Variants in DGKI observed in about 807,000 individuals in gnomAD.
The protein encoded by DGKI is DAG kinase iota.
In DGKI, 55 loss-of-function variants were observed where a neutral mutation model predicts 147.5. That is an observed-to-expected ratio of 0.37 (90% CI 0.30 to 0.47). The LOEUF is 0.47. Among genes scored for constraint, DGKI ranks in the 20% least tolerant of loss-of-function variants. The pLI is 1.00. For synonymous variants in DGKI, 469 were observed against 477.1 expected (o/e 0.98, Z 0.22); for missense variants, 1,007 against 1,323.8 (o/e 0.76, Z 3.71).
At chr7:137,551,114 A>C (rs997684681) in intron 20 of DGKI, among the ~76,000 whole-genome samples, 1 of 152,228 alleles carries the variant, frequency 6.6e-6, no homozygotes, top group Non-Finnish European at 1.5e-5. Context: ...TAACTAAAAA[A>C]CACCTCTGGA....
chr7:137,498,363 A>C, intron 21 of DGKI, among the ~76,000 whole-genome samples: 1 of 152,054 alleles, frequency 6.6e-6, no homozygotes, highest in East Asian at 1.9e-4. Flanking sequence ...AAAAAACAAA[A>C]GAAAATAGAG....
Position 137,469,922 on chromosome 7 carries a change from T to C in DGKI, c.2374-303A>G, listed in dbSNP as rs1005337748. Among the ~76,000 whole-genome samples the C allele has an allele frequency of 2.0e-5, 3 of 152,358 alleles. No homozygotes were observed. The South Asian group carries it at 6.2e-4, about 32-fold the overall frequency. ...TTACTTCCTTATGGGAATTTCTTTC[T>C]TTCCCTTTGTGAAGCCAAGGAATGA... is the stretch of plus-strand genomic sequence containing the variant. On this transcript the variant is annotated intron_variant, in intron 23 of 32. Coordinates refer to ENST00000614521, the MANE Select transcript of DGKI (RefSeq NM_001321708.2).
At chr7:137,458,515 A>C (rs2128923472) in intron 27 of DGKI, among the ~76,000 whole-genome samples, 1 of 152,328 alleles carries the variant, frequency 6.6e-6, no homozygotes, top group South Asian at 2.1e-4. Flanking sequence ...ACAAAATCTA[A>C]GAACCGGAAA....
chr7:137,488,341 T>G (rs1412769377), intron 21 of DGKI, among the ~76,000 whole-genome samples: 1 of 152,098 alleles, frequency 6.6e-6, no homozygotes, highest in Non-Finnish European at 1.5e-5. Context: ...GGATGGCCAA[T>G]GTAAGAGTGG....
At chr7:137,660,185 T>A (rs1004239768) in intron 3 of DGKI, among the ~76,000 whole-genome samples, 3 of 152,180 alleles carry the variant, frequency 2.0e-5, no homozygotes, top group African/African-American at 7.2e-5. Context: ...GGTGTTGGTA[T>A]TCAAAAGAAA....
intron 20 of DGKI, 50 bp from the exon 21 acceptor site, chr7:137,522,016 G>C: frequency 7.2e-7 from 1 of 1,380,830 alleles, no homozygotes; most frequent in Non-Finnish European, 1.0e-6. Flanking sequence ...AGCGGAATTG[G>C]TAGCCATGCA....
rs1563126028 is a variant in DGKI at position 137,638,632 on chromosome 7, G to GTATATATATACATATA, written c.804+6839_804+6840insTATATGTATATATATA. On this transcript the variant is annotated intron_variant, in intron 6 of 32. Transcript: ENST00000614521. ...TATATACACACACACATATATATGT[G>GTATATATATACATATA]TGTATATATGTGTATGTATATACAC... 6.4e-5 allele frequency among the ~76,000 whole-genome samples: 2 copies of GTATATATATACATATA among 31,472 alleles called. 1 individual carries two copies. The highest frequency in any genetic ancestry group is 9.6e-5 in the Non-Finnish European group (2 of 20,854). 20.6% of individuals were successfully genotyped at this position (31,472 alleles called of 152,430 possible).
At chr7:137,653,143 TGC>T (rs886430544) in intron 5 of DGKI, among the ~76,000 whole-genome samples, 1 of 152,094 alleles carries the variant, frequency 6.6e-6, no homozygotes, top group Non-Finnish European at 1.5e-5. Flanking sequence ...TGTGTGTGTG[TGC>T]GCGCGCGTGC....
In DGKI at chr7:137,599,778, T is replaced by A. The variant is rs10271043; in HGVS notation, c.1250+45A>T. 3 of 1,574,366 alleles carry A rather than the reference T, an allele frequency of 1.9e-6. No individual in the cohort carries two copies. In the African/African-American group the frequency reaches 4.1e-5, roughly 21 times the overall value. Reference sequence around the variant, plus strand: ...AGATAATGAAGCAGAAAATTCTCACTTGCCTAAAATACATATGGACCATGG... The same window carrying A: ...AGATAATGAAGCAGAAAATTCTCACATGCCTAAAATACATATGGACCATGG... On this transcript the variant is annotated intron_variant, in intron 11 of 32. Coordinates refer to ENST00000614521, the MANE Select transcript of DGKI (RefSeq NM_001321708.2).
At chr7:137,605,238 G>A (rs537685450) in intron 10 of DGKI, among the ~76,000 whole-genome samples, 103 of 151,840 alleles carry the variant, frequency 6.8e-4, no homozygotes, top group African/African-American at 2.4e-3. Flanking sequence ...AACCTGGGAG[G>A]TGGAGGTTGC....
intron 13 of DGKI, among the ~76,000 whole-genome samples, chr7:137,586,054 G>A (rs1181379650): frequency 6.6e-6 from 1 of 152,138 alleles, no homozygotes; most frequent in Non-Finnish European, 1.5e-5. Context: ...TTGCCCAAAG[G>A]TCAACTAGCA....
chr7:137,663,409 G>A (rs1333019911), intron 3 of DGKI, among the ~76,000 whole-genome samples: 1 of 152,188 alleles, frequency 6.6e-6, no homozygotes, highest in Admixed American at 6.5e-5. Flanking sequence ...TCTTTAATTT[G>A]GGCTTAAAAT....
At chr7:137,601,953 A>G (rs1820004954) in intron 10 of DGKI, among the ~76,000 whole-genome samples, 1 of 152,184 alleles carries the variant, frequency 6.6e-6, no homozygotes, top group Non-Finnish European at 1.5e-5. Context: ...ACCAAATGAC[A>G]TATTGTGCTT....
intron 1 of DGKI, among the ~76,000 whole-genome samples, chr7:137,711,253 C>A (rs1794202122): frequency 6.6e-6 from 1 of 152,142 alleles, no homozygotes; most frequent in Non-Finnish European, 1.5e-5. Flanking sequence ...CCAGGATATG[C>A]ACCCTAGATA....
rs755751752 is a variant in DGKI at position 137,521,846 on chromosome 7, A to G, written c.2248+20T>C. 1.9e-5 allele frequency: 29 copies of G among 1,559,772 alleles called. No homozygotes were observed. Among genetic ancestry groups the G allele is most frequent in the Admixed American group, 1.3e-4 (8 of 59,568 alleles). Reference sequence around the variant, plus strand: ...AAGATAGGCTGATCGCATGAAATCAATGAGGCACTTCCAACTTACAAGCTT... The same window carrying G: ...AAGATAGGCTGATCGCATGAAATCAGTGAGGCACTTCCAACTTACAAGCTT... On this transcript the variant is annotated intron_variant, in intron 21 of 32. Coordinates refer to ENST00000614521, the MANE Select transcript of DGKI (RefSeq NM_001321708.2).
rs1814543278 is a variant in DGKI, at chr7:137,463,726, A to G, written c.2613-115T>C. On this transcript the variant is annotated intron_variant, in intron 26 of 32. Coordinates refer to ENST00000614521, the MANE Select transcript of DGKI (RefSeq NM_001321708.2). ...AATGTGAGAAGCAAAATTCATCTTT[A>G]TGAAGTGTTTACCAGATACTACCCA... 2.0e-5 allele frequency: 25 copies of G among 1,256,618 alleles called. No homozygotes were observed. The East Asian group carries it at 6.3e-4, about 32-fold the overall frequency. The allele number at this position is 1,256,618 out of a possible 1,614,324, so 77.8% of individuals were successfully genotyped here.
Position 137,665,800 on chromosome 7 carries a change from T to C in DGKI, c.607-9260A>G, listed in dbSNP as rs182725396. Among the ~76,000 whole-genome samples the C allele has an allele frequency of 3.2e-3, 481 of 152,284 alleles. 4 individuals are homozygous for C. The highest frequency in any genetic ancestry group is 0.011 in the African/African-American group (437 of 41,562). ...CCAGATAGCCAGTGTATTTTATATT[T>C]TTCATCTGAAGGGAAAGAAAACCAA... On this transcript the variant is annotated intron_variant, in intron 3 of 32. Coordinates refer to ENST00000614521, the MANE Select transcript of DGKI (RefSeq NM_001321708.2).
intron 1 of DGKI, among the ~76,000 whole-genome samples, chr7:137,841,870 C>T (rs1043525359): frequency 2.6e-5 from 4 of 152,206 alleles, no homozygotes; most frequent in African/African-American, 9.7e-5. Flanking sequence ...CAGAATTGAA[C>T]ACCAGCAAAG....
intron 6 of DGKI, among the ~76,000 whole-genome samples, chr7:137,644,266 G>A (rs992864887): frequency 1.3e-5 from 2 of 152,130 alleles, no homozygotes; most frequent in Non-Finnish European, 2.9e-5. Flanking sequence ...CTTTCACCCT[G>A]TTTTGTTCAT....
Sources: gnomAD v4.1 joint callset for allele counts (sites outside exome capture counted in the v4.1 genomes callset) on GRCh38, gnomAD v4.1.1 for gene constraint, MANE v1.5 for transcripts, NCBI Gene and HGNC (gene_info 2026-07-23, HGNC 2026-07-21) for gene names.